Variants in ERBB4 observed in about 807,000 individuals in gnomAD.
The protein encoded by ERBB4 is receptor tyrosine-protein kinase erbB-4.
ERBB4 carries 42 observed loss-of-function variants against 158.0 expected under a neutral mutation model. The ratio of observed to expected loss-of-function variants is 0.27; its 90% CI spans 0.21 to 0.34. The LOEUF is 0.34. Ranked by LOEUF, ERBB4 falls within the 10% of genes least tolerant of loss-of-function variation. ERBB4 has a pLI of 1.00. For missense variants in ERBB4, 1,333 were observed against 1,624.1 expected (o/e 0.82, Z 3.08); for synonymous variants, 583 against 558.7 (o/e 1.04, Z -0.61).
intron 1 of ERBB4, among the ~76,000 whole-genome samples, chr2:212,304,553 C>G (rs766345014): frequency 2.0e-5 from 3 of 151,344 alleles, no homozygotes; most frequent in Non-Finnish European, 4.4e-5. Context: ...CTTAGCCACC[C>G]CCACAGAAAT....
intron 4 of ERBB4, among the ~76,000 whole-genome samples, chr2:211,758,567 A>T (rs73085065): frequency 1.3e-5 from 2 of 152,162 alleles, no homozygotes; most frequent in Non-Finnish European, 2.9e-5. Flanking sequence ...AATCAATGTC[A>T]AATGTATTTC....
At chr2:212,270,129 A>AACTGTCATTAAT (rs1199919798) in intron 1 of ERBB4, among the ~76,000 whole-genome samples, 6 of 151,834 alleles carry the variant, frequency 4.0e-5, no homozygotes, top group Non-Finnish European at 8.8e-5. Flanking sequence ...TCTGTGTCAG[A>AACTGTCATTAAT]ACTGTCATTA....
chr2:211,678,054 T>G (rs1477930066), intron 13 of ERBB4, among the ~76,000 whole-genome samples: 1 of 152,102 alleles, frequency 6.6e-6, no homozygotes, highest in Non-Finnish European at 1.5e-5. Context: ...TATGAAATAT[T>G]ATGCAACCAG....
intron 2 of ERBB4, among the ~76,000 whole-genome samples, chr2:212,049,631 A>G (rs16847580): frequency 0.23 from 35,585 of 152,072 alleles, 4,962 homozygotes; most frequent in African/African-American, 0.39. Context: ...ATTTGTTTAA[A>G]TAAAAAGACA....
chr2:212,493,641 G>A (rs1390531164), intron 1 of ERBB4, among the ~76,000 whole-genome samples: 2 of 151,592 alleles, frequency 1.3e-5, no homozygotes, highest in African/African-American at 4.8e-5. Context: ...ATTTAGTCAA[G>A]CATTAACATT....
intron 1 of ERBB4, among the ~76,000 whole-genome samples, chr2:212,152,635 T>C (rs1191572163): frequency 6.6e-6 from 1 of 152,174 alleles, no homozygotes; most frequent in African/African-American, 2.4e-5. Flanking sequence ...ATGATCCCCA[T>C]ATTTCTATCT....
chr2:211,717,860 A>G (rs909054284), intron 7 of ERBB4, among the ~76,000 whole-genome samples: 6 of 152,092 alleles, frequency 3.9e-5, no homozygotes, highest in African/African-American at 1.2e-4. Context: ...CCTCATCCTT[A>G]TATCCTATCT....
At position 211,747,134 on chromosome 2, in the gene ERBB4, T is replaced by C. The variant is rs74328957; in HGVS notation, c.622+3505A>G. 3.5e-3 allele frequency among the ~76,000 whole-genome samples: 534 copies of C among 152,268 alleles called. 1 individual carries two copies. Among genetic ancestry groups the C allele is most frequent in the African/African-American group, 0.012 (516 of 41,548 alleles). Reference sequence around the variant, plus strand: ...AGTTATTGTAACCAGCACTTTTGGATCCCAAATCTAAATTCTCTGGAGAGA... The same window carrying C: ...AGTTATTGTAACCAGCACTTTTGGACCCCAAATCTAAATTCTCTGGAGAGA... On this transcript the variant is annotated intron_variant, in intron 5 of 27. Coordinates refer to ENST00000342788, the MANE Select transcript of ERBB4 (RefSeq NM_005235.3).
In ERBB4 at chr2:212,241,671, C is replaced by T. The variant is rs985308842; in HGVS notation, c.83-116768G>A. ...TTTAGTTGAGTATTTTCAATATTTGCGACCATATCTTTTAGTTATTTGACA... is the reference window on the plus strand; with the variant it reads ...TTTAGTTGAGTATTTTCAATATTTGTGACCATATCTTTTAGTTATTTGACA... On this transcript the variant is annotated intron_variant, in intron 1 of 27. Coordinates refer to ENST00000342788, the MANE Select transcript of ERBB4 (RefSeq NM_005235.3). Among the ~76,000 whole-genome samples, 7 of 151,946 alleles carry T rather than the reference C, an allele frequency of 4.6e-5. No homozygotes were observed. In the South Asian group the frequency reaches 6.2e-4, roughly 14 times the overall value.
At chr2:212,257,956 T>C (rs1175902322) in intron 1 of ERBB4, among the ~76,000 whole-genome samples, 2 of 152,136 alleles carry the variant, frequency 1.3e-5, no homozygotes, top group African/African-American at 4.8e-5. Context: ...TGGGAAAATA[T>C]CCTGACTCTT....
intron 3 of ERBB4, among the ~76,000 whole-genome samples, chr2:211,836,330 A>C (rs1353790044): frequency 2.6e-5 from 4 of 152,106 alleles, no homozygotes; most frequent in Non-Finnish European, 1.5e-5. Flanking sequence ...AAAAAGTCAC[A>C]GGCAGAGTCT....
In ERBB4 at chr2:212,232,094, C is replaced by T. The variant is rs2083684395; in HGVS notation, c.83-107191G>A. On this transcript the variant is annotated intron_variant, in intron 1 of 27. Transcript: ENST00000342788. Reference sequence around the variant, plus strand: ...ATTAAACTCTTTATGCATCAGTCTTCTCATCTGTCAAGTGGGTTTGATAAT... The same window carrying T: ...ATTAAACTCTTTATGCATCAGTCTTTTCATCTGTCAAGTGGGTTTGATAAT... Among the ~76,000 whole-genome samples the T allele has an allele frequency of 2.6e-5, 4 of 152,090 alleles. No homozygotes were observed. In the South Asian group the frequency reaches 8.3e-4, roughly 31 times the overall value.
chr2:211,686,532 C>CTT (rs1260772388), intron 12 of ERBB4, among the ~76,000 whole-genome samples: 67 of 310 alleles, frequency 0.22, 33 homozygotes, highest in South Asian at 1. Context: ...CCTCTAGATT[C>CTT]TTTTTTTTTT....
intron 3 of ERBB4, among the ~76,000 whole-genome samples, chr2:211,889,593 C>G (rs536909789): frequency 1.9e-4 from 28 of 150,958 alleles, no homozygotes; most frequent in African/African-American, 6.9e-4. Context: ...AGGCTTCAGA[C>G]GATCAAATTA....
Position 211,380,732 on chromosome 2 carries a change from C to A in ERBB4, c.*2883G>T, listed in dbSNP as rs2125301048. On this transcript the variant is annotated 3_prime_UTR_variant, in exon 28 of 28. Transcript: ENST00000342788. ...ATTATAAAGTGGTGCTATTATAAAG[C>A]ATTTGGGTCATTTTGGATTATTCCT... 4.3e-6 allele frequency: 1 copy of A among 231,896 alleles called. No individual in the cohort carries two copies. 14.4% of individuals were successfully genotyped at this position (231,896 alleles called of 1,614,324 possible).
At chr2:211,610,321 A>G (rs745694839) in intron 19 of ERBB4, among the ~76,000 whole-genome samples, 2 of 152,162 alleles carry the variant, frequency 1.3e-5, no homozygotes, top group African/African-American at 2.4e-5. Context: ...TTCATGCCAT[A>G]TAATGCAAAC....
At position 211,557,162 on chromosome 2, in the gene ERBB4, A is replaced by G. The variant is rs1295735969; in HGVS notation, c.2487+4741T>C. Reference sequence around the variant, plus strand: ...TGTAAAACCCAAAACTATAAAAACCATGGAAGACAACGTAGACAATACCAT... The same window carrying G: ...TGTAAAACCCAAAACTATAAAAACCGTGGAAGACAACGTAGACAATACCAT... On this transcript the variant is annotated intron_variant, in intron 20 of 27. Coordinates refer to ENST00000342788, the MANE Select transcript of ERBB4 (RefSeq NM_005235.3). Among the ~76,000 whole-genome samples, 4 of 152,132 alleles carry G rather than the reference A, an allele frequency of 2.6e-5. No individual in the cohort carries two copies. The East Asian group carries it at 7.7e-4, about 29-fold the overall frequency.
chr2:211,913,609 AT>A (rs1302433288), intron 3 of ERBB4, among the ~76,000 whole-genome samples: 1 of 99,780 alleles, frequency 1.0e-5, no homozygotes, highest in Non-Finnish European at 1.9e-5. Flanking sequence ...TCAAAAAAAT[AT>A]ATATATATAT....
chr2:212,390,660 T>C (rs2090828573), intron 1 of ERBB4, among the ~76,000 whole-genome samples: 1 of 151,804 alleles, frequency 6.6e-6, no homozygotes, highest in Admixed American at 6.6e-5. Context: ...TACATATGCA[T>C]TTTTCTTCAA....
Sources: gnomAD v4.1 joint callset for allele counts (sites outside exome capture counted in the v4.1 genomes callset) on GRCh38, gnomAD v4.1.1 for gene constraint, MANE v1.5 for transcripts, NCBI Gene and HGNC (gene_info 2026-07-23, HGNC 2026-07-21) for gene names.